Variants in FBXW9 observed in about 807,000 individuals in gnomAD.
The protein encoded by FBXW9 is F-box/WD repeat-containing protein 9.
In FBXW9, 38 loss-of-function variants were observed where a neutral mutation model predicts 55.8. That is an observed-to-expected ratio of 0.68 (90% CI 0.53 to 0.89). FBXW9 has a LOEUF of 0.89. Among genes scored for constraint, FBXW9 ranks in the 40% least tolerant of loss-of-function variants. The pLI, the probability that FBXW9 is intolerant of heterozygous loss-of-function variation, is 0.00. For synonymous variants in FBXW9, 289 were observed against 278.2 expected (o/e 1.04, Z -0.38); for missense variants, 590 against 619.4 (o/e 0.95, Z 0.50).
In FBXW9 at chr19:12,693,523, A is replaced by T. The variant is rs1322736867; in HGVS notation, c.678+1071T>A. ...AAGGAAAAAAAAAAAAAAAAAAAAA[A>T]AAAAAAATATATATATATATATATA... On this transcript the variant is annotated intron_variant, in intron 3 of 9. Transcript: ENST00000393261. Among the ~76,000 whole-genome samples the T allele has an allele frequency of 1.5e-3, 45 of 30,776 alleles. 1 individual carries two copies. The highest frequency in any genetic ancestry group is 5.6e-3 in the African/African-American group (45 of 8,092). The allele number at this position is 30,776 out of a possible 152,430, so 20.2% of individuals were successfully genotyped here.
chr19:12,696,523 G>GACTCT lies in FBXW9; in HGVS notation c.58_59insAGAGT (p.Pro20GlnfsTer57). On this transcript the variant is annotated frameshift_variant, in exon 1 of 10. Transcript: ENST00000393261. LOFTEE classifies it high-confidence loss of function. ...CGCGTCTGGGTCTGTCTCTGACTCTGGGTCCGAGTCATCGTCCCAGGTGCG... is the reference window on the plus strand; with the variant it reads ...CGCGTCTGGGTCTGTCTCTGACTCTGACTCTGGTCCGAGTCATCGTCCCAGGTGCG... 6.2e-7 allele frequency: 1 copy of GACTCT among 1,612,688 alleles called. No homozygotes were observed. The highest frequency in any genetic ancestry group is 2.2e-5 in the East Asian group (1 of 44,854).
At chr19:12,691,106 CCA>C in intron 5 of FBXW9, 58 bp downstream of exon 5, 1 of 1,408,206 alleles carries the variant, frequency 7.1e-7, no homozygotes, top group Non-Finnish European at 1.0e-6. Flanking sequence ...CTGTGAAGCC[CCA>C]GTGTCTCCTT....
intron 1 of FBXW9, 69 bp from the exon 2 acceptor site, chr19:12,695,007 C>G: frequency 6.5e-7 from 1 of 1,544,976 alleles, no homozygotes. Flanking sequence ...TGGCCAAGCC[C>G]AACCCTGGCT....
At position 12,691,322 on chromosome 19, in the gene FBXW9, CT is replaced by C. The variant is rs1448345301; in HGVS notation, c.791+19del. 1 of 1,613,478 alleles carries C rather than the reference CT, an allele frequency of 6.2e-7. No individual in the cohort carries two copies. Among genetic ancestry groups the C allele is most frequent in the East Asian group, 2.2e-5 (1 of 44,880 alleles). ...ACAGGGTCCTATCCCCGCAGGCCCC[CT>C]GCCCAGGCCCCCACACACTTTATCT... On this transcript the variant is annotated intron_variant, in intron 4 of 9. Coordinates refer to ENST00000393261, the MANE Select transcript of FBXW9 (RefSeq NM_032301.3).
chr19:12,693,529 AATATAT>A lies in FBXW9; in HGVS notation c.678+1059_678+1064del, dbSNP rs1386860076. Among the ~76,000 whole-genome samples, 131 of 21,220 alleles carry A rather than the reference AATATAT, an allele frequency of 6.2e-3. 6 individuals are homozygous for A. Among genetic ancestry groups the A allele is most frequent in the East Asian group, 0.015 (13 of 846 alleles). 13.9% of individuals were successfully genotyped at this position (21,220 alleles called of 152,430 possible). A position where few individuals can be genotyped will look rare whatever the true frequency, so the allele number is the denominator to read the frequency against. Reference sequence around the variant, plus strand: ...AAAAAAAAAAAAAAAAAAAAAAAAAAATATATATATATATATATATATATATATATA... The same window carrying A: ...AAAAAAAAAAAAAAAAAAAAAAAAAAATATATATATATATATATATATATA... On this transcript the variant is annotated intron_variant, in intron 3 of 9. Transcript: ENST00000393261.
rs754865078 is a variant in FBXW9, at chr19:12,689,247, A to G, written c.1346T>C (p.Leu449Pro). ...GNLVVAGSGD[L>P]SLEVWRLQA The stretch of plus-strand genomic sequence containing the variant: ...CTGCAGCCTCCAGACCTCTAGCGAC[A>G]GGTCTCCAGAGCCGGCCACCACCAG... Residue 449 changes from leucine (L) to proline (P), a missense_variant, in exon 10 of 10, where the codon CTG becomes CCG. Coordinates refer to ENST00000393261, the MANE Select transcript of FBXW9 (RefSeq NM_032301.3). This position sits in a 1 kb window ranked among gnomAD's most constrained non-coding sequence, Gnocchi z 5.9. The G allele has an allele frequency of 2.5e-6, 4 of 1,613,806 alleles. No individual in the cohort carries two copies. Among genetic ancestry groups the G allele is most frequent in the Non-Finnish European group, 3.4e-6 (4 of 1,179,760 alleles).
At chr19:12,691,298 C>G (rs1416339180) in intron 4 of FBXW9, 41 bp from the exon 5 acceptor site, 3 of 1,613,108 alleles carry the variant, frequency 1.9e-6, no homozygotes, top group Non-Finnish European at 2.5e-6. Context: ...TGTGGCCAGA[C>G]AGGGTCCTAT....
intron 1 of FBXW9, 31 bp downstream of exon 1, chr19:12,696,142 C>T (rs1200531184): frequency 9.6e-6 from 14 of 1,456,930 alleles, no homozygotes; most frequent in African/African-American, 1.4e-5. Context: ...GCGCCCCCGG[C>T]CCCCGGTCCC....
rs1302804621 is a variant in FBXW9 at position 12,689,148 on chromosome 19, T to C, written c.*68A>G. The stretch of plus-strand genomic sequence containing the variant: ...GCGGAGGCAGCACCAACATTGGGGA[T>C]GGTCCCCCAAGAACAGAGGAGGAAG... On this transcript the variant is annotated 3_prime_UTR_variant, in exon 10 of 10. Transcript: ENST00000393261. This position sits in a 1 kb window ranked among gnomAD's most constrained non-coding sequence, Gnocchi z 5.9. The C allele has an allele frequency of 1.6e-6, 2 of 1,231,576 alleles. No homozygotes were observed. The highest frequency in any genetic ancestry group is 2.4e-5 in the South Asian group (2 of 83,464). 76.3% of individuals were successfully genotyped at this position (1,231,576 alleles called of 1,614,324 possible).
At position 12,694,932 on chromosome 19, in the gene FBXW9, T is replaced by A. The variant is rs1200892598; in HGVS notation, c.416A>T (p.Asn139Ile). Residue 139 changes from asparagine (N) to isoleucine (I), a missense_variant, in exon 2 of 10, where the codon AAC (asparagine) becomes ATC (isoleucine). Transcript: ENST00000393261. The part of the protein sequence containing the change: ...RAPYPVVEEK[N>I]FDWPAACIAL... ...AATGCAGGCTGCCGGCCAGTCAAAG[T>A]TCTTCTCTGTGGGTTACCACGAGTA... 2 of 1,613,060 alleles carry A rather than the reference T, an allele frequency of 1.2e-6. No homozygotes were observed. Among genetic ancestry groups the A allele is most frequent in the South Asian group, 2.2e-5 (2 of 91,064 alleles).
rs529470506 is a variant in FBXW9, at chr19:12,690,789, T to C, written c.883+377A>G. On this transcript the variant is annotated intron_variant, in intron 5 of 9. Coordinates refer to ENST00000393261, the MANE Select transcript of FBXW9 (RefSeq NM_032301.3). ...CCTCTGGAGTAGCTGGGACTACAGG[T>C]AGGCGCCACCACATCCAGCATAAAA... Among the ~76,000 whole-genome samples, 146 of 152,178 alleles carry C rather than the reference T, an allele frequency of 9.6e-4. 1 individual carries two copies. The highest frequency in any genetic ancestry group is 3.3e-3 in the African/African-American group (139 of 41,524).
intron 3 of FBXW9, among the ~76,000 whole-genome samples, chr19:12,692,715 G>C (rs1341042743): frequency 6.6e-6 from 1 of 151,814 alleles, no homozygotes; most frequent in Non-Finnish European, 1.5e-5. Flanking sequence ...TGTAGAGTCA[G>C]GGTCTCCCAT....
chr19:12,696,474 G>A lies in FBXW9; in HGVS notation c.108C>T (p.Arg36=). The change falls in exon 1 of 10, where the codon CGC becomes CGT. Residue 36 remains arginine, a synonymous_variant. Transcript: ENST00000393261. ...GCCCGGATTTTGGCGGACTGAGAACGCGGGCCACGTAGGCCTTGGCCTGCG... is the reference window on the plus strand; with the variant it reads ...GCCCGGATTTTGGCGGACTGAGAACACGGGCCACGTAGGCCTTGGCCTGCG... ...PDAQAKAYVA[R]VLSPPKSGLA... 2 of 1,612,716 alleles carry A rather than the reference G, an allele frequency of 1.2e-6. No homozygotes were observed. Among genetic ancestry groups the A allele is most frequent in the East Asian group, 2.2e-5 (1 of 44,872 alleles).
chr19:12,696,331 G>A lies in FBXW9; in HGVS notation c.251C>T (p.Pro84Leu). The A allele has an allele frequency of 2.5e-6, 4 of 1,593,900 alleles. No individual in the cohort carries two copies. Among genetic ancestry groups the A allele is most frequent in the East Asian group, 2.3e-5 (1 of 43,910 alleles). ...GGAGCAGATCTCGAGCAGCAGCTCC[G>A]GGGGAAGGCTCAGAAGGCCCGGCTC... ...VSEPGLLSLP[P>L]ELLLEICSYL... Residue 84 changes from proline to leucine, a missense_variant, in exon 1 of 10, where the codon CCG (proline) becomes CTG (leucine). Transcript: ENST00000393261.
chr19:12,692,525 C>CT (rs35134914), intron 3 of FBXW9, among the ~76,000 whole-genome samples: 4,883 of 128,532 alleles, frequency 0.038, 254 homozygotes, highest in African/African-American at 0.11. Context: ...TGCATCCGGT[C>CT]TTTTTTTTTT....
At chr19:12,692,163 A>C (rs544701706) in intron 3 of FBXW9, among the ~76,000 whole-genome samples, 77 of 151,592 alleles carry the variant, frequency 5.1e-4, no homozygotes, top group African/African-American at 1.8e-3. Flanking sequence ...AGGCTCAAGC[A>C]ATCCTTGTAC....
Position 12,689,544 on chromosome 19 carries a change from G to T in FBXW9, c.1233C>A (p.Ile411=). ...GGGGGCTGGGCAGGAGCCTCACCCGGATGGTCTTGTCAGTGGATGTGGTGT... is the reference window on the plus strand; with the variant it reads ...GGGGGCTGGGCAGGAGCCTCACCCGTATGGTCTTGTCAGTGGATGTGGTGT... ...ALYTTSTDKT[I]RVHVPTDPPR... The change falls in exon 8 of 10, where the codon ATC becomes ATA. Residue 411 remains isoleucine, a synonymous_variant. Coordinates refer to ENST00000393261, the MANE Select transcript of FBXW9 (RefSeq NM_032301.3). This position sits in a 1 kb window ranked among gnomAD's most constrained non-coding sequence, Gnocchi z 5.9. The T allele has an allele frequency of 1.2e-6, 2 of 1,614,102 alleles. No homozygotes were observed. The highest frequency in any genetic ancestry group is 1.7e-6 in the Non-Finnish European group (2 of 1,179,972).
intron 3 of FBXW9, among the ~76,000 whole-genome samples, chr19:12,691,692 A>T (rs1461111909): frequency 6.6e-6 from 1 of 152,150 alleles, no homozygotes. Flanking sequence ...AGTTGAGTAC[A>T]GATTAAAGTT....
intron 3 of FBXW9, among the ~76,000 whole-genome samples, chr19:12,692,027 A>G (rs1488668468): frequency 6.6e-6 from 1 of 151,006 alleles, no homozygotes; most frequent in Non-Finnish European, 1.5e-5. Flanking sequence ...AAGTGCTGGG[A>G]TTACAGGCAT....
Sources: allele counts gnomAD v4.1 joint callset (sites outside exome capture counted in the v4.1 genomes callset), GRCh38; gene constraint gnomAD v4.1.1; non-coding constraint Gnocchi (gnomAD v3.1); transcripts MANE v1.5; gene names NCBI Gene and HGNC (gene_info 2026-07-23, HGNC 2026-07-21).